STXBP5: variants seen among roughly 807,000 people sequenced by gnomAD.
STXBP5 encodes syntaxin binding protein 5, also known as syntaxin-binding protein 5.
In STXBP5, 50 loss-of-function variants were observed where a neutral mutation model predicts 152.4. The ratio of observed to expected loss-of-function variants is 0.33; its 90% CI spans 0.26 to 0.42. The LOEUF (loss-of-function observed/expected upper bound fraction) is 0.42. STXBP5 is among the 10% of genes least tolerant of loss of function. The pLI is 1.00. For missense variants in STXBP5, 1,167 were observed against 1,388.6 expected, an observed-to-expected ratio of 0.84 and a Z score of 2.54; for synonymous variants, 492 against 494.7, an observed-to-expected ratio of 0.99 and a Z score of 0.07.
chr6:147,303,821 A>G (rs914168158), intron 9 of STXBP5, among the ~76,000 whole-genome samples: 1 of 152,132 alleles, frequency 6.6e-6, no homozygotes, highest in Non-Finnish European at 1.5e-5. Flanking sequence ...ACTTGTTGGA[A>G]ACTGGATCTA....
intron 9 of STXBP5, among the ~76,000 whole-genome samples, chr6:147,301,001 A>G (rs916191917): frequency 2.0e-5 from 3 of 152,112 alleles, no homozygotes; most frequent in African/African-American, 4.8e-5. Context: ...CCTTTAACAG[A>G]CATTCCTCAA....
chr6:147,207,910 T>G (rs1776655641), intron 2 of STXBP5, among the ~76,000 whole-genome samples: 1 of 152,190 alleles, frequency 6.6e-6, no homozygotes, highest in Non-Finnish European at 1.5e-5. Context: ...GCAAGGCTGA[T>G]TTTATAAAAC....
At chr6:147,299,115 T>G (rs936585801) in intron 9 of STXBP5, among the ~76,000 whole-genome samples, 2 of 151,770 alleles carry the variant, frequency 1.3e-5, no homozygotes, top group African/African-American at 4.8e-5. Context: ...AATCAAACCT[T>G]TAGTAAGATT....
chr6:147,327,378 A>T, intron 18 of STXBP5, 102 bp downstream of exon 18: 1 of 1,371,726 alleles, frequency 7.3e-7, no homozygotes, highest in Non-Finnish European at 9.7e-7. Context: ...AGCTTGCCTG[A>T]TTTAGTCTGT....
In STXBP5 at chr6:147,382,759, A is replaced by C. The variant is rs1246184328; in HGVS notation, c.3194-19A>C. Reference sequence around the variant, plus strand: ...TGTTCATGTTTTGAGTTACTCTTTGATTTATCAAATGTGTTCAGTTGGAGA... The same window carrying C: ...TGTTCATGTTTTGAGTTACTCTTTGCTTTATCAAATGTGTTCAGTTGGAGA... On this transcript the variant is annotated intron_variant, in intron 26 of 27. Transcript: ENST00000321680. 1.2e-6 allele frequency: 2 copies of C among 1,609,350 alleles called. No homozygotes were observed. The highest frequency in any genetic ancestry group is 1.7e-6 in the Non-Finnish European group (2 of 1,177,030).
intron 7 of STXBP5, among the ~76,000 whole-genome samples, chr6:147,276,871 A>T (rs1266537300): frequency 6.6e-6 from 1 of 152,122 alleles, no homozygotes; most frequent in Non-Finnish European, 1.5e-5. Context: ...TAAGTAAAGG[A>T]GCTCCTTAGG....
In STXBP5 at chr6:147,299,655, C is replaced by T. The variant is rs1046224667; in HGVS notation, c.917+8483C>T. On this transcript the variant is annotated intron_variant, in intron 9 of 27. Coordinates refer to ENST00000321680, the MANE Select transcript of STXBP5 (RefSeq NM_001127715.4). ...CAAAAAAAGAAAACTATCAACAGTACCTCTCTGATGAACATAGATGCAAAA... is the reference window on the plus strand; with the variant it reads ...CAAAAAAAGAAAACTATCAACAGTATCTCTCTGATGAACATAGATGCAAAA... 5.3e-5 allele frequency among the ~76,000 whole-genome samples: 8 copies of T among 151,964 alleles called. No individual in the cohort carries two copies. The East Asian group carries it at 5.8e-4, about 11-fold the overall frequency.
At chr6:147,212,014 G>GTTAGCCCCT (rs1776882496) in intron 2 of STXBP5, among the ~76,000 whole-genome samples, 1 of 152,178 alleles carries the variant, frequency 6.6e-6, no homozygotes, top group Non-Finnish European at 1.5e-5. Flanking sequence ...TATCTCAACT[G>GTTAGCCCCT]TTAGCTCCTT....
At chr6:147,207,144 T>A (rs1183556642) in intron 2 of STXBP5, among the ~76,000 whole-genome samples, 1 of 152,202 alleles carries the variant, frequency 6.6e-6, no homozygotes, top group Non-Finnish European at 1.5e-5. Flanking sequence ...GCATTTGAGT[T>A]AAACATGTGC....
At chr6:147,377,121 C>G (rs191248421) in intron 26 of STXBP5, among the ~76,000 whole-genome samples, 63 of 152,256 alleles carry the variant, frequency 4.1e-4, no homozygotes, top group Non-Finnish European at 8.7e-4. Context: ...CAATACATTT[C>G]AAAGAGTTAA....
chr6:147,249,518 C>T (rs1778983262), intron 4 of STXBP5, among the ~76,000 whole-genome samples: 1 of 152,118 alleles, frequency 6.6e-6, no homozygotes, highest in East Asian at 1.9e-4. Context: ...GAATTGTCCC[C>T]TACACAATAG....
chr6:147,367,862 G>A (rs1472102469), intron 25 of STXBP5, among the ~76,000 whole-genome samples: 1 of 151,808 alleles, frequency 6.6e-6, no homozygotes, highest in African/African-American at 2.4e-5. Flanking sequence ...ATATGAAATG[G>A]ATAAAAAGTG....
At chr6:147,220,786 C>T (rs559825945) in intron 2 of STXBP5, among the ~76,000 whole-genome samples, 67 of 152,202 alleles carry the variant, frequency 4.4e-4, no homozygotes, top group Admixed American at 1.4e-3. Flanking sequence ...TTGCAGACAG[C>T]GTATAGCTGG....
chr6:147,292,207 T>C (rs760188305), intron 9 of STXBP5: 2 of 445,464 alleles, frequency 4.5e-6, no homozygotes, highest in Admixed American at 4.9e-5. Flanking sequence ...CAGGCTAAAA[T>C]ATATATATAA....
chr6:147,337,160 C>T (rs1460532054), intron 19 of STXBP5, among the ~76,000 whole-genome samples: 1 of 142,306 alleles, frequency 7.0e-6, no homozygotes, highest in Non-Finnish European at 1.5e-5. Context: ...TTTAGTACTG[C>T]ATGCAAAGAT....
At chr6:147,333,241 G>T (rs1040678123) in intron 18 of STXBP5, among the ~76,000 whole-genome samples, 1 of 152,046 alleles carries the variant, frequency 6.6e-6, no homozygotes, top group Non-Finnish European at 1.5e-5. Context: ...TAATTCTCAG[G>T]CTGGGCATGG....
intron 21 of STXBP5, among the ~76,000 whole-genome samples, chr6:147,344,578 C>T (rs1163950179): frequency 6.6e-6 from 1 of 152,186 alleles, no homozygotes; most frequent in African/African-American, 2.4e-5. Flanking sequence ...GCTGCATTCT[C>T]ATTGTATGCC....
chr6:147,350,687 T>G (rs1309823096), intron 21 of STXBP5, among the ~76,000 whole-genome samples: 1 of 152,148 alleles, frequency 6.6e-6, no homozygotes, highest in Admixed American at 6.5e-5. Context: ...TGAAGGAACA[T>G]TAGGTTATTC....
intron 8 of STXBP5, among the ~76,000 whole-genome samples, chr6:147,287,953 C>CT (rs966821919): frequency 1.9e-4 from 28 of 148,270 alleles, no homozygotes; most frequent in South Asian, 4.3e-4. Context: ...AGTCATTTTA[C>CT]TTTTTTTTTT....
Sources: allele counts gnomAD v4.1 joint callset (sites outside exome capture counted in the v4.1 genomes callset), GRCh38; gene constraint gnomAD v4.1.1; transcripts MANE v1.5; gene names NCBI Gene and HGNC (gene_info 2026-07-23, HGNC 2026-07-21).